Variants in CRYL1 observed in about 807,000 individuals in gnomAD.
The protein encoded by CRYL1 is lambda-crystallin homolog.
A neutral mutation model predicts 36.6 loss-of-function variants in CRYL1; 29 were observed. That is an observed-to-expected ratio of 0.79 (90% confidence interval 0.59 to 1.08). The LOEUF is 1.08. CRYL1 is among the 50% of genes least tolerant of loss of function. CRYL1 has a pLI of 0.00. For missense variants in CRYL1, 411 were observed against 407.9 expected (o/e 1.01, Z -0.06); for synonymous variants, 152 against 151.5 (o/e 1.00, Z -0.02).
chr13:20,456,638 A>ACACACACACACACACACAC (rs5802075), intron 3 of CRYL1, among the ~76,000 whole-genome samples: 1 of 137,612 alleles, frequency 7.3e-6, no homozygotes, highest in African/African-American at 3.0e-5. Flanking sequence ...ACACACACAC[A>ACACACACACACACACACAC]AAGACCACGA....
intron 1 of CRYL1, among the ~76,000 whole-genome samples, chr13:20,518,270 G>A (rs2034037471): frequency 6.6e-6 from 1 of 152,178 alleles, no homozygotes; most frequent in Admixed American, 6.6e-5. Context: ...GCACTTGGGA[G>A]AAAGAAAGCA....
Position 20,525,686 on chromosome 13 carries a change from G to A in CRYL1, c.41+68C>T. ...CCGGCGCCCACCCCGAGGGCCCCAC[G>A]CGAGGGCACCACGTCCCCGGCGTCT... is the stretch of plus-strand genomic sequence containing the variant. On this transcript the variant is annotated intron_variant, in intron 1 of 7. Transcript: ENST00000298248. This position sits in a 1 kb window ranked among gnomAD's most constrained non-coding sequence, Gnocchi z 4.3. The A allele has an allele frequency of 7.9e-7, 1 of 1,269,966 alleles. No individual in the cohort carries two copies. Among genetic ancestry groups the A allele is most frequent in the Non-Finnish European group, 1.0e-6 (1 of 992,400 alleles). The allele number at this position is 1,269,966 out of a possible 1,614,324, so 78.7% of individuals were successfully genotyped here.
chr13:20,511,505 A>G (rs4381447), intron 2 of CRYL1, among the ~76,000 whole-genome samples: 130,823 of 152,212 alleles, frequency 0.86, 57,179 homozygotes, highest in Non-Finnish European at 0.94. Flanking sequence ...AAACAACACC[A>G]GGTTAGGGTA....
chr13:20,416,976 T>G (rs2031684841), intron 5 of CRYL1, among the ~76,000 whole-genome samples: 1 of 152,182 alleles, frequency 6.6e-6, no homozygotes, highest in Admixed American at 6.5e-5. Context: ...GGGAAAAACG[T>G]TTTGATACTT....
At chr13:20,482,320 GTAA>G (rs2033294057) in intron 3 of CRYL1, among the ~76,000 whole-genome samples, 1 of 152,114 alleles carries the variant, frequency 6.6e-6, no homozygotes. Flanking sequence ...TTTAAACTTC[GTAA>G]CTCTATAAAT....
chr13:20,416,487 G>T (rs1490486792), intron 5 of CRYL1, among the ~76,000 whole-genome samples: 1 of 152,152 alleles, frequency 6.6e-6, no homozygotes, highest in African/African-American at 2.4e-5. Context: ...GGAAGGCCTG[G>T]GCTGTGGCCC....
chr13:20,508,034 C>G (rs1376056785), intron 2 of CRYL1, among the ~76,000 whole-genome samples: 3 of 151,756 alleles, frequency 2.0e-5, no homozygotes, highest in African/African-American at 7.3e-5. Flanking sequence ...TCCAGACAAG[C>G]CTGGCCAATA....
intron 2 of CRYL1, among the ~76,000 whole-genome samples, chr13:20,501,016 C>G (rs916842775): frequency 6.6e-6 from 1 of 152,124 alleles, no homozygotes; most frequent in African/African-American, 2.4e-5. Context: ...CTTGCCCCCC[C>G]CTAGTTCCTG....
At chr13:20,470,910 C>CAAAAAAAAAAAAAAAAAAAAAAAAA (rs11353451) in intron 3 of CRYL1, among the ~76,000 whole-genome samples, 2 of 40,902 alleles carry the variant, frequency 4.9e-5, no homozygotes, top group African/African-American at 1.7e-4. Context: ...AACTCCATCT[C>CAAAAAAAAAAAAAAAAAAAAAAAAA]AAAAAAAAAA....
intron 3 of CRYL1, among the ~76,000 whole-genome samples, chr13:20,476,625 C>T (rs1050060072): frequency 1.3e-5 from 2 of 152,218 alleles, no homozygotes; most frequent in African/African-American, 2.4e-5. Context: ...GAGCCCAAGC[C>T]GGAAGAAAAA....
chr13:20,431,435 A>G (rs1470300132), intron 5 of CRYL1: 1 of 985,294 alleles, frequency 1.0e-6, no homozygotes. Flanking sequence ...GAGGCCGGAC[A>G]GTTCCACTCC....
intron 5 of CRYL1, among the ~76,000 whole-genome samples, chr13:20,429,642 T>G (rs2032010777): frequency 6.6e-6 from 1 of 152,172 alleles, no homozygotes; most frequent in Non-Finnish European, 1.5e-5. Flanking sequence ...AGGGCCACAC[T>G]GAGACGAGGC....
intron 5 of CRYL1, among the ~76,000 whole-genome samples, chr13:20,421,613 T>C (rs1483544762): frequency 6.6e-6 from 1 of 152,132 alleles, no homozygotes; most frequent in Non-Finnish European, 1.5e-5. Flanking sequence ...CTCTTCTCTT[T>C]GCCTTTTCTC....
At chr13:20,523,487 T>G (rs2034132799) in intron 1 of CRYL1, among the ~76,000 whole-genome samples, 1 of 152,198 alleles carries the variant, frequency 6.6e-6, no homozygotes, top group Admixed American at 6.5e-5. Flanking sequence ...CTCCTGAAAT[T>G]GAAATATGTA....
At chr13:20,513,989 A>G (rs1431465418) in intron 1 of CRYL1, among the ~76,000 whole-genome samples, 1 of 152,186 alleles carries the variant, frequency 6.6e-6, no homozygotes, top group African/African-American at 2.4e-5. Context: ...CAATGGCCAA[A>G]GCTGGAACTT....
chr13:20,510,279 A>G (rs941564959), intron 2 of CRYL1, among the ~76,000 whole-genome samples: 1 of 152,234 alleles, frequency 6.6e-6, no homozygotes, highest in African/African-American at 2.4e-5. Flanking sequence ...CAGTGGGTGA[A>G]TAGATAAATA....
rs1229986139 is a variant in CRYL1 at position 20,415,459 on chromosome 13, A to G, written c.634-2072T>C. Among the ~76,000 whole-genome samples, 2 of 152,202 alleles carry G rather than the reference A, an allele frequency of 1.3e-5. No homozygotes were observed. The highest frequency in any genetic ancestry group is 6.5e-5 in the Admixed American group (1 of 15,290). Reference sequence around the variant, plus strand: ...TGGACACCGCCCTGCGTCTGCAGAGAGCGCGGCGGTGAAGCGGGAGCAGGC... The same window carrying G: ...TGGACACCGCCCTGCGTCTGCAGAGGGCGCGGCGGTGAAGCGGGAGCAGGC... On this transcript the variant is annotated intron_variant, in intron 5 of 7. Transcript: ENST00000298248. This position sits in a 1 kb window ranked among gnomAD's most constrained non-coding sequence, Gnocchi z 4.1.
chr13:20,405,375 G>A (rs958606431), intron 6 of CRYL1, among the ~76,000 whole-genome samples: 1 of 152,112 alleles, frequency 6.6e-6, no homozygotes, highest in African/African-American at 2.4e-5. Flanking sequence ...CTGATTTGTT[G>A]GCTATCACAG....
intron 4 of CRYL1, among the ~76,000 whole-genome samples, chr13:20,437,317 T>C (rs1306013412): frequency 6.6e-6 from 1 of 151,764 alleles, no homozygotes; most frequent in South Asian, 2.1e-4. Flanking sequence ...TAATTTTTTT[T>C]TTTTTTTTGA....
Sources: gnomAD v4.1 joint callset for allele counts (sites outside exome capture counted in the v4.1 genomes callset) on GRCh38, gnomAD v4.1.1 for gene constraint, Gnocchi (gnomAD v3.1) non-coding constraint, MANE v1.5 for transcripts, NCBI Gene and HGNC (gene_info 2026-07-23, HGNC 2026-07-21) for gene names.